The following TMEM248 variants were observed in gnomAD, a reference collection of about 807,000 sequenced individuals.
The protein encoded by TMEM248 is UPF0458 protein C7orf42.
TMEM248 carries 9 observed loss-of-function variants against 30.3 expected under a neutral mutation model. The observed-to-expected ratio is 0.30, with a 90% CI of 0.18 to 0.52. TMEM248 has a LOEUF of 0.52. Among genes scored for constraint, TMEM248 ranks in the 20% least tolerant of loss-of-function variants. The pLI is 0.97. For missense variants in TMEM248, 338 were observed against 403.3 expected (o/e 0.84, Z 1.39); for synonymous variants, 184 against 154.4 (o/e 1.19, Z -1.42).
chr7:66,927,514 C>T (rs1017989930), intron 1 of TMEM248, among the ~76,000 whole-genome samples: 6 of 151,494 alleles, frequency 4.0e-5, no homozygotes, highest in African/African-American at 1.5e-4. Flanking sequence ...AGCCGTGGCT[C>T]ACAGTAGCCT....
intron 1 of TMEM248, among the ~76,000 whole-genome samples, chr7:66,922,703 T>TCCAAG (rs369081872): frequency 5.3e-5 from 8 of 151,740 alleles, no homozygotes; most frequent in African/African-American, 1.7e-4. Context: ...GAAAGGTAGA[T>TCCAAG]TATATATATA....
At chr7:66,951,723 A>G (rs913739027) in intron 5 of TMEM248, among the ~76,000 whole-genome samples, 12 of 151,796 alleles carry the variant, frequency 7.9e-5, no homozygotes, top group African/African-American at 2.4e-4. Context: ...TGTCGCCCAG[A>G]TTGGGGTCTA....
intron 1 of TMEM248, among the ~76,000 whole-genome samples, chr7:66,924,611 G>T (rs752047193): frequency 6.6e-6 from 1 of 152,130 alleles, no homozygotes; most frequent in Non-Finnish European, 1.5e-5. Flanking sequence ...CATCATGTTG[G>T]TCAGGCTGGT....
In TMEM248 at chr7:66,955,563, A is replaced by G. The variant is rs1792379636; in HGVS notation, c.*41A>G. 1.2e-6 allele frequency: 2 copies of G among 1,613,252 alleles called. No individual in the cohort carries two copies. Among genetic ancestry groups the G allele is most frequent in the Non-Finnish European group, 1.7e-6 (2 of 1,179,692 alleles). On this transcript the variant is annotated 3_prime_UTR_variant, in exon 7 of 7. Transcript: ENST00000341567. ...TTTTTTGAGAGAGACTGAGAGAACC[A>G]TAATCCTTGCCTGCTGAACCCAGCC...
At chr7:66,952,625 C>G (rs1792296247) in intron 5 of TMEM248, among the ~76,000 whole-genome samples, 1 of 152,212 alleles carries the variant, frequency 6.6e-6, no homozygotes, top group Non-Finnish European at 1.5e-5. Flanking sequence ...GGAACCATGT[C>G]TGGGGTCCCT....
At chr7:66,933,724 A>G (rs17680606) in intron 1 of TMEM248, among the ~76,000 whole-genome samples, 23,671 of 152,102 alleles carry the variant, frequency 0.16, 2,220 homozygotes, top group East Asian at 0.29. Context: ...GTCTTCACTG[A>G]GTTAGTCTCA....
rs1323567655 is a variant in TMEM248 at position 66,951,305 on chromosome 7, G to A, written c.780+170G>A. 5.8e-6 allele frequency: 3 copies of A among 517,300 alleles called. No individual in the cohort carries two copies. The East Asian group carries it at 1.1e-4, about 18-fold the overall frequency. The allele number at this position is 517,300 out of a possible 1,614,324, so 32.0% of individuals were successfully genotyped here. On this transcript the variant is annotated intron_variant, in intron 5 of 6. Transcript: ENST00000341567. ...CACTAGGCGGAGTGGTGGATGCTTG[G>A]AAAAACATGTTACCCATTGGTTAAG...
intron 1 of TMEM248, among the ~76,000 whole-genome samples, chr7:66,933,723 GAGTT>G (rs1479717203): frequency 6.6e-6 from 1 of 152,196 alleles, no homozygotes; most frequent in Non-Finnish European, 1.5e-5. Flanking sequence ...CGTCTTCACT[GAGTT>G]AGTCTCAGAG....
Position 66,944,977 on chromosome 7 carries a change from A to G in TMEM248, c.161A>G (p.Asp54Gly). The change falls in exon 3 of 7, where the codon GAT becomes GGT. Residue 54 changes from aspartate (D) to glycine (G), a missense_variant and splice_region_variant. Physicochemically the swap from Asp to Gly is moderately conservative, Grantham distance 94 (BLOSUM62 -1). Transcript: ENST00000341567. Reference sequence around the variant, plus strand: ...TCTCTTTCTTTCACTTTCCCAAAGGATTGGAATACTTTTCTGCTACGGTTC... The same window carrying G: ...TCTCTTTCTTTCACTTTCCCAAAGGGTTGGAATACTTTTCTGCTACGGTTC... ...KEIKSPEMAE[D>G]WNTFLLRFND... 2.5e-6 allele frequency: 4 copies of G among 1,613,706 alleles called. No homozygotes were observed. Among genetic ancestry groups the G allele is most frequent in the Non-Finnish European group, 3.4e-6 (4 of 1,179,634 alleles).
chr7:66,927,698 C>T (rs1345684826), intron 1 of TMEM248, among the ~76,000 whole-genome samples: 1 of 150,574 alleles, frequency 6.6e-6, no homozygotes. Context: ...CTCAAGTGAT[C>T]CTCTGACCTT....
intron 1 of TMEM248, among the ~76,000 whole-genome samples, chr7:66,935,251 C>T (rs2129222452): frequency 6.6e-6 from 1 of 150,542 alleles, no homozygotes; most frequent in South Asian, 2.1e-4. Flanking sequence ...GGCGCAATCT[C>T]AGCTCACTGC....
At position 66,945,183 on chromosome 7, in the gene TMEM248, C is replaced by T. The variant is rs1446324446; in HGVS notation, c.367C>T (p.Leu123=). 2 of 1,614,218 alleles carry T rather than the reference C, an allele frequency of 1.2e-6. No individual in the cohort carries two copies. The highest frequency in any genetic ancestry group is 1.7e-5 in the Admixed American group (1 of 60,018). Residue 123 remains leucine (L), a synonymous_variant, in exon 3 of 7, where the codon CTG becomes TTG. Coordinates refer to ENST00000341567, the MANE Select transcript of TMEM248 (RefSeq NM_017994.5). The part of the protein sequence containing the change: ...SVSITLTLDP[L]KPFGGYSRNV... ...CTCAATCACCCTAACCCTGGACCCACTGAAACCCTTCGGAGGGTATTCCCG... is the reference window on the plus strand; with the variant it reads ...CTCAATCACCCTAACCCTGGACCCATTGAAACCCTTCGGAGGGTATTCCCG...
chr7:66,953,392 G>A (rs369520545), intron 6 of TMEM248, 23 bp downstream of exon 6: 22 of 1,611,054 alleles, frequency 1.4e-5, no homozygotes, highest in Non-Finnish European at 1.7e-5. Flanking sequence ...TGGGGTCCGG[G>A]CCAGCATTTT....
rs1343972001 is a variant in TMEM248, at chr7:66,953,132, G to A, written c.781-94G>A. 3 of 1,407,500 alleles carry A rather than the reference G, an allele frequency of 2.1e-6. No homozygotes were observed. The African/African-American group carries it at 4.3e-5, about 20-fold the overall frequency. 87.2% of individuals were successfully genotyped at this position (1,407,500 alleles called of 1,614,324 possible). On this transcript the variant is annotated intron_variant, in intron 5 of 6. Coordinates refer to ENST00000341567, the MANE Select transcript of TMEM248 (RefSeq NM_017994.5). ...TAAGAAGAAAAGTTGTGGCAAGTCT[G>A]GAGGCTGTCAATCCTGTCTCTCAAA...
chr7:66,926,185 T>C (rs578244183), intron 1 of TMEM248, among the ~76,000 whole-genome samples: 33 of 152,336 alleles, frequency 2.2e-4, no homozygotes, highest in African/African-American at 7.7e-4. Flanking sequence ...TTGAGAAACA[T>C]CTGTTCGTGT....
intron 1 of TMEM248, among the ~76,000 whole-genome samples, chr7:66,929,404 A>G (rs1257140103): frequency 2.0e-5 from 3 of 149,436 alleles, no homozygotes; most frequent in Non-Finnish European, 4.5e-5. Context: ...TGCAGAAACA[A>G]TATCATGGAA....
chr7:66,943,500 T>C (rs1321972732), intron 2 of TMEM248, among the ~76,000 whole-genome samples: 1 of 152,234 alleles, frequency 6.6e-6, no homozygotes, highest in African/African-American at 2.4e-5. Flanking sequence ...GGCAGTGGTG[T>C]ATGGGAAACA....
At chr7:66,936,337 C>A (rs1403363228) in intron 1 of TMEM248, among the ~76,000 whole-genome samples, 2 of 152,136 alleles carry the variant, frequency 1.3e-5, no homozygotes, top group African/African-American at 4.8e-5. Context: ...GTCCTTTATT[C>A]TGCTGATATG....
rs939666307 is a variant in TMEM248 at position 66,933,296 on chromosome 7, C to G, written c.-18-8552C>G. 2.0e-5 allele frequency among the ~76,000 whole-genome samples: 3 copies of G among 152,178 alleles called. No homozygotes were observed. In the East Asian group the frequency reaches 5.8e-4, roughly 29 times the overall value. On this transcript the variant is annotated intron_variant, in intron 1 of 6. Coordinates refer to ENST00000341567, the MANE Select transcript of TMEM248 (RefSeq NM_017994.5). ...GCCATCCTCCTGCCTCAGCCCCCCA[C>G]GTAGCTGGGACTATGGACGTGTGCC...
Sources: gnomAD v4.1 joint callset for allele counts (sites outside exome capture counted in the v4.1 genomes callset) on GRCh38, gnomAD v4.1.1 for gene constraint, MANE v1.5 for transcripts, NCBI Gene and HGNC (gene_info 2026-07-23, HGNC 2026-07-21) for gene names.